The following SLC2A13 variants were observed in gnomAD, a reference collection of about 807,000 sequenced individuals.
SLC2A13 encodes solute carrier family 2 member 13, also known as proton myo-inositol cotransporter.
In SLC2A13, 32 loss-of-function variants were observed where a neutral mutation model predicts 64.4. That is an observed-to-expected ratio of 0.50 (90% CI 0.37 to 0.67). The LOEUF (loss-of-function observed/expected upper bound fraction) is 0.67, where lower values mean the gene tolerates loss of function less well. Among genes scored for constraint, SLC2A13 ranks in the 30% least tolerant of loss-of-function variants. The pLI, the probability that SLC2A13 is intolerant of heterozygous loss-of-function variation, is 0.00. For synonymous variants in SLC2A13, 338 were observed against 327.1 expected (o/e 1.03, Z -0.36); for missense variants, 743 against 829.2 (o/e 0.90, Z 1.28).
intron 3 of SLC2A13, among the ~76,000 whole-genome samples, chr12:39,961,977 C>T (rs750162675): frequency 6.6e-6 from 1 of 152,122 alleles, no homozygotes; most frequent in Non-Finnish European, 1.5e-5. Flanking sequence ...CACATATACC[C>T]CATAAATATG....
chr12:39,878,186 T>C (rs1384770502), intron 4 of SLC2A13, among the ~76,000 whole-genome samples: 2 of 152,196 alleles, frequency 1.3e-5, no homozygotes, highest in Non-Finnish European at 2.9e-5. Context: ...AGGTATTTAT[T>C]TATAGCAATG....
intron 2 of SLC2A13, among the ~76,000 whole-genome samples, chr12:40,045,798 C>T (rs2200086): frequency 0.038 from 5,764 of 152,196 alleles, 170 homozygotes; most frequent in Middle Eastern, 0.061. Context: ...ATATATGTCT[C>T]CAGCTTCAGC....
intron 1 of SLC2A13, among the ~76,000 whole-genome samples, chr12:40,096,141 G>A (rs1938934656): frequency 6.6e-6 from 1 of 151,232 alleles, no homozygotes; most frequent in South Asian, 2.1e-4. Context: ...ATGTTAGCCA[G>A]GATGGTCTCG....
At position 40,105,580 on chromosome 12, in the gene SLC2A13, T is replaced by C. The variant is rs1305254946; in HGVS notation, c.229A>G (p.Thr77Ala). 5 of 1,559,836 alleles carry C rather than the reference T, an allele frequency of 3.2e-6. No individual in the cohort carries two copies. The highest frequency in any genetic ancestry group is 1.4e-5 in the African/African-American group (1 of 70,900). Residue 77 changes from threonine (T) to alanine (A), a missense_variant, in exon 1 of 10, where the codon ACC becomes GCC. Physicochemically the swap from Thr to Ala is moderately conservative, Grantham distance 58. This residue lies in a region of SLC2A13 where 448 missense variants were observed against 447.4 expected (regional missense o/e 1.00). Transcript: ENST00000280871. This position sits in a 1 kb window ranked among gnomAD's most constrained non-coding sequence, Gnocchi z 4.2. ...GCCACCACGTACACGAAGGCGGGGG[T>C]CTCGTCCTGCTGGAACTGCCGCCGC... ...AARRQFQQDE[T>A]PAFVYVVAVF...
chr12:39,866,874 A>G (rs1209338244), intron 5 of SLC2A13, among the ~76,000 whole-genome samples: 1 of 152,252 alleles, frequency 6.6e-6, no homozygotes, highest in Non-Finnish European at 1.5e-5. Flanking sequence ...TCAAAATAAC[A>G]GAACAAAGTT....
At chr12:40,017,069 G>A (rs537336195) in intron 3 of SLC2A13, among the ~76,000 whole-genome samples, 1 of 152,192 alleles carries the variant, frequency 6.6e-6, no homozygotes, top group African/African-American at 2.4e-5. Context: ...TGACTAAGTA[G>A]GACAGAGGGA....
intron 4 of SLC2A13, among the ~76,000 whole-genome samples, chr12:39,924,696 G>A (rs1945685630): frequency 6.6e-6 from 1 of 151,822 alleles, no homozygotes; most frequent in African/African-American, 2.4e-5. Flanking sequence ...CAATTTTTGA[G>A]GACAGTGATA....
intron 7 of SLC2A13, among the ~76,000 whole-genome samples, chr12:39,806,751 G>T (rs967666088): frequency 3.3e-5 from 5 of 152,170 alleles, no homozygotes; most frequent in African/African-American, 9.7e-5. Flanking sequence ...AACATGGGTT[G>T]CTATGTTTTG....
intron 6 of SLC2A13, among the ~76,000 whole-genome samples, chr12:39,833,704 T>C (rs1263276893): frequency 2.6e-5 from 4 of 152,070 alleles, no homozygotes; most frequent in African/African-American, 9.7e-5. Flanking sequence ...AAACTTTTCC[T>C]GTCCCCAATA....
At chr12:39,893,712 T>C (rs975547086) in intron 4 of SLC2A13, among the ~76,000 whole-genome samples, 1 of 152,218 alleles carries the variant, frequency 6.6e-6, no homozygotes, top group East Asian at 1.9e-4. Flanking sequence ...ATGTGCTTTT[T>C]CTGGAGTGTG....
intron 7 of SLC2A13, among the ~76,000 whole-genome samples, chr12:39,795,876 T>G (rs555602103): frequency 1.4e-4 from 21 of 152,320 alleles, no homozygotes; most frequent in African/African-American, 4.8e-4. Flanking sequence ...TTATAATAGT[T>G]GTATTGGGAT....
rs529201127 is a variant in SLC2A13 at position 40,104,993 on chromosome 12, T to TG, written c.556+259dup. On this transcript the variant is annotated intron_variant, in intron 1 of 9. Transcript: ENST00000280871. The stretch of plus-strand genomic sequence containing the variant: ...AGAGGCAACAACCACTTGGACTGAC[T>TG]GGTCCGTGGCCTATCAAAGATTCCA... Among the ~76,000 whole-genome samples the TG allele has an allele frequency of 2.4e-3, 365 of 152,300 alleles. 1 individual carries two copies. The highest frequency in any genetic ancestry group is 8.2e-3 in the African/African-American group (341 of 41,564).
intron 6 of SLC2A13, among the ~76,000 whole-genome samples, chr12:39,854,578 A>G (rs952726634): frequency 6.6e-5 from 10 of 151,892 alleles, no homozygotes; most frequent in African/African-American, 2.2e-4. Context: ...GACTCTCACA[A>G]TCTCTCTCTG....
intron 5 of SLC2A13, 113 bp downstream of exon 5, chr12:39,871,684 TG>T (rs1944061320): frequency 9.1e-7 from 1 of 1,093,296 alleles, no homozygotes; most frequent in African/African-American, 1.6e-5. Flanking sequence ...ATTTTTTTGT[TG>T]TTTGGCTGAG....
chr12:40,065,989 A>G (rs1372479313), intron 1 of SLC2A13, among the ~76,000 whole-genome samples: 1 of 152,238 alleles, frequency 6.6e-6, no homozygotes, highest in Non-Finnish European at 1.5e-5. Context: ...GTGGCTAAAC[A>G]GTCCCTCTAA....
intron 7 of SLC2A13, among the ~76,000 whole-genome samples, chr12:39,795,946 T>C (rs1941558556): frequency 6.6e-6 from 1 of 152,126 alleles, no homozygotes; most frequent in Non-Finnish European, 1.5e-5. Flanking sequence ...TTCAGTATAT[T>C]CACAGAGTTG....
chr12:40,042,361 T>C (rs1401706027), intron 2 of SLC2A13, among the ~76,000 whole-genome samples: 1 of 152,134 alleles, frequency 6.6e-6, no homozygotes, highest in Non-Finnish European at 1.5e-5. Context: ...TATATACTTG[T>C]AAACACAGAG....
intron 3 of SLC2A13, among the ~76,000 whole-genome samples, chr12:39,973,707 T>C (rs562251596): frequency 9.9e-5 from 15 of 152,210 alleles, no homozygotes; most frequent in African/African-American, 3.4e-4. Context: ...GAGTCATCTT[T>C]CCCTCACACC....
intron 6 of SLC2A13, among the ~76,000 whole-genome samples, chr12:39,858,448 GAA>G (rs201262209): frequency 6.7e-6 from 1 of 149,940 alleles, no homozygotes; most frequent in Admixed American, 6.6e-5. Flanking sequence ...AAATTAGTAA[GAA>G]AAAAAAATGT....
Sources: allele counts gnomAD v4.1 joint callset (sites outside exome capture counted in the v4.1 genomes callset), GRCh38; gene constraint gnomAD v4.1.1; regional missense constraint gnomAD v4.1.1; non-coding constraint Gnocchi (gnomAD v3.1); transcripts MANE v1.5; gene names NCBI Gene and HGNC (gene_info 2026-07-23, HGNC 2026-07-21).